The following GRID1 variants were observed in gnomAD, a reference collection of about 807,000 sequenced individuals.
GRID1 encodes glutamate ionotropic receptor delta type subunit 1.
Under a neutral mutation model 98.0 loss-of-function variants are expected in GRID1, and 28 were observed. The observed-to-expected ratio is 0.29, with a 90% CI of 0.21 to 0.39. The LOEUF (loss-of-function observed/expected upper bound fraction) is 0.39. Among genes scored for constraint, GRID1 ranks in the 10% least tolerant of loss-of-function variants. The probability of loss-of-function intolerance (pLI) is 1.00; values close to 1 mark genes in which losing one functional copy is unlikely to be tolerated. For missense variants in GRID1, 1,111 were observed against 1,340.5 expected, an observed-to-expected ratio of 0.83 and a Z score of 2.67; for synonymous variants, 553 against 538.5, an observed-to-expected ratio of 1.03 and a Z score of -0.37.
chr10:86,328,223 G>A (rs1416480482), intron 2 of GRID1, among the ~76,000 whole-genome samples: 1 of 152,214 alleles, frequency 6.6e-6, no homozygotes, highest in Admixed American at 6.5e-5. Flanking sequence ...ATGTGTGTAG[G>A]TTACATTTCT....
Position 86,088,025 on chromosome 10 carries a change from G to A in GRID1, c.726+50794C>T, listed in dbSNP as rs184476751. Among the ~76,000 whole-genome samples the A allele has an allele frequency of 3.6e-3, 548 of 152,282 alleles. 7 individuals are homozygous for A. The highest frequency in any genetic ancestry group is 0.012 in the African/African-American group (509 of 41,568). On this transcript the variant is annotated intron_variant, in intron 4 of 15. Coordinates refer to ENST00000327946, the MANE Select transcript of GRID1 (RefSeq NM_017551.3). ...GCCGCCTCTGTCCTCGCCAACAACC[G>A]CGGACTGTTCCAGCCCCACAAACGC... is the stretch of plus-strand genomic sequence containing the variant.
At chr10:86,027,114 A>G (rs1184578154) in intron 4 of GRID1, among the ~76,000 whole-genome samples, 2 of 152,258 alleles carry the variant, frequency 1.3e-5, no homozygotes, top group East Asian at 3.8e-4. Flanking sequence ...GTGGGAAAAT[A>G]TACATGACAT....
intron 4 of GRID1, among the ~76,000 whole-genome samples, chr10:86,065,510 T>C (rs1843707703): frequency 6.6e-6 from 1 of 152,240 alleles, no homozygotes; most frequent in South Asian, 2.1e-4. Context: ...TTCTGTTGCA[T>C]GCACTCCCCT....
chr10:86,200,687 C>G (rs534879625), intron 3 of GRID1, among the ~76,000 whole-genome samples: 1 of 152,190 alleles, frequency 6.6e-6, no homozygotes, highest in East Asian at 1.9e-4. Flanking sequence ...TTTCTGTTCA[C>G]TAAGACAAAC....
chr10:85,820,698 A>T (rs1242666424), intron 8 of GRID1, among the ~76,000 whole-genome samples: 1 of 152,230 alleles, frequency 6.6e-6, no homozygotes, highest in Non-Finnish European at 1.5e-5. Flanking sequence ...TAAAAGCCAC[A>T]ACAAGATACC....
At chr10:86,155,747 G>T (rs1845235442) in intron 3 of GRID1, among the ~76,000 whole-genome samples, 1 of 152,186 alleles carries the variant, frequency 6.6e-6, no homozygotes, top group Non-Finnish European at 1.5e-5. Flanking sequence ...TAGTCCTCAG[G>T]ACTCTCTAGT....
chr10:85,960,143 G>A (rs1055957884), intron 4 of GRID1, among the ~76,000 whole-genome samples: 1 of 152,108 alleles, frequency 6.6e-6, no homozygotes, highest in Non-Finnish European at 1.5e-5. Flanking sequence ...CAAGTGATCC[G>A]CCTGCCTCAA....
chr10:86,106,806 T>C (rs1844394594), intron 4 of GRID1, among the ~76,000 whole-genome samples: 1 of 151,968 alleles, frequency 6.6e-6, no homozygotes, highest in Non-Finnish European at 1.5e-5. Flanking sequence ...GTTCCGGGAA[T>C]GGGCAGGCTC....
intron 12 of GRID1, among the ~76,000 whole-genome samples, chr10:85,658,651 G>A (rs1209849984): frequency 1.3e-5 from 2 of 152,166 alleles, no homozygotes; most frequent in African/African-American, 4.8e-5. Context: ...ACAGAGTCAT[G>A]GGAACATGAA....
intron 2 of GRID1, among the ~76,000 whole-genome samples, chr10:86,324,093 C>T (rs553871506): frequency 3.3e-5 from 5 of 152,148 alleles, no homozygotes; most frequent in Non-Finnish European, 5.9e-5. Flanking sequence ...GCAGGAGAAT[C>T]GCTTGAACCC....
chr10:85,707,580 A>C (rs2132631549), intron 12 of GRID1, among the ~76,000 whole-genome samples: 1 of 152,354 alleles, frequency 6.6e-6, no homozygotes, highest in Middle Eastern at 3.4e-3. Context: ...CTAGAACTAG[A>C]AGTACCATTT....
intron 4 of GRID1, among the ~76,000 whole-genome samples, chr10:86,096,209 G>A (rs1219483837): frequency 6.6e-6 from 1 of 152,022 alleles, no homozygotes; most frequent in Non-Finnish European, 1.5e-5. Context: ...AAGAGTGAGA[G>A]GGGGCAAGGG....
chr10:85,981,816 A>G (rs1477871775), intron 4 of GRID1, among the ~76,000 whole-genome samples: 3 of 152,174 alleles, frequency 2.0e-5, no homozygotes, highest in African/African-American at 7.2e-5. Flanking sequence ...ACAAATGCCA[A>G]CCACCCACTT....
intron 3 of GRID1, among the ~76,000 whole-genome samples, chr10:86,169,867 T>G (rs575002833): frequency 5.6e-4 from 85 of 152,332 alleles, no homozygotes; most frequent in African/African-American, 2.0e-3. Context: ...GTGGCTCCAC[T>G]GGGTCTTCTG....
At chr10:85,654,152 T>G (rs532448645) in intron 12 of GRID1, among the ~76,000 whole-genome samples, 1 of 152,258 alleles carries the variant, frequency 6.6e-6, no homozygotes, top group Admixed American at 6.5e-5. Context: ...TTCAAACCTA[T>G]GCCTGAAAGC....
chr10:85,647,110 G>A, intron 13 of GRID1, 92 bp downstream of exon 13: 3 of 968,266 alleles, frequency 3.1e-6, no homozygotes, highest in Admixed American at 3.6e-5. Context: ...GCTGCTCAGA[G>A]GCAGATGCCC....
chr10:85,682,247 T>A (rs1029465221), intron 12 of GRID1, among the ~76,000 whole-genome samples: 2 of 152,202 alleles, frequency 1.3e-5, no homozygotes, highest in African/African-American at 4.8e-5. Context: ...TCCTAGATCC[T>A]CTGTTTCCTT....
chr10:85,657,706 C>T (rs1285839976), intron 12 of GRID1, among the ~76,000 whole-genome samples: 1 of 152,148 alleles, frequency 6.6e-6, no homozygotes, highest in Non-Finnish European at 1.5e-5. Context: ...TACGTGGGTC[C>T]AGGCTGCCCA....
intron 11 of GRID1, 92 bp from the exon 12 acceptor site, chr10:85,723,233 G>A (rs961990396): frequency 5.4e-5 from 68 of 1,270,680 alleles, no homozygotes; most frequent in Non-Finnish European, 6.9e-5. Context: ...AGGCACACAG[G>A]CCATCACTCG....
Sources: allele counts gnomAD v4.1 joint callset (sites outside exome capture counted in the v4.1 genomes callset), GRCh38; gene constraint gnomAD v4.1.1; transcripts MANE v1.5; gene names NCBI Gene and HGNC (gene_info 2026-07-23, HGNC 2026-07-21).